Variants in DCT observed in about 807,000 individuals in gnomAD.
The protein encoded by DCT is dopachrome tautomerase.
In DCT, 47 loss-of-function variants were observed where a neutral mutation model predicts 53.0. The ratio of observed to expected loss-of-function variants is 0.89; its 90% CI spans 0.70 to 1.13. The LOEUF (loss-of-function observed/expected upper bound fraction) is 1.13. Ranked by LOEUF, DCT falls within the 50% of genes most tolerant of loss-of-function variation. The pLI is 0.00. For synonymous variants in DCT, 244 were observed against 237.0 expected, an observed-to-expected ratio of 1.03 and a Z score of -0.27; for missense variants, 669 against 637.4, an observed-to-expected ratio of 1.05 and a Z score of -0.53.
the DCT span, among the ~76,000 whole-genome samples, chr13:94,509,427 C>CCA: frequency 6.6e-6 from 1 of 151,656 alleles, no homozygotes; most frequent in African/African-American, 2.4e-5. Flanking sequence ...CACCCCCTCC[C>CCA]CACACACACA....
the DCT span, among the ~76,000 whole-genome samples, chr13:94,507,117 C>T: frequency 1.3e-5 from 2 of 152,100 alleles, no homozygotes; most frequent in Admixed American, 6.5e-5. Flanking sequence ...ACATGGCATG[C>T]CATGCTTAAT....
Position 94,439,671 on chromosome 13 carries a change from T to G in DCT, c.*227A>C. 3.1e-6 allele frequency: 1 copy of G among 321,186 alleles called. No individual in the cohort carries two copies. 19.9% of individuals were successfully genotyped at this position (321,186 alleles called of 1,614,324 possible). On this transcript the variant is annotated 3_prime_UTR_variant, in exon 8 of 8. Coordinates refer to ENST00000377028, the MANE Select transcript of DCT (RefSeq NM_001922.5). ...ATATCACAAATTGTCAGGTCTATCT[T>G]TATTTGAAGGTAGAGGTAGCCTCAA... is the stretch of plus-strand genomic sequence containing the variant.
At chr13:94,544,367 G>A in the DCT span, among the ~76,000 whole-genome samples, 2 of 152,272 alleles carry the variant, frequency 1.3e-5, no homozygotes, top group East Asian at 3.9e-4. Context: ...AAATACGTGG[G>A]GAAAGCGGGT....
the DCT span, among the ~76,000 whole-genome samples, chr13:94,529,504 C>G: frequency 2.0e-5 from 3 of 152,214 alleles, no homozygotes; most frequent in African/African-American, 7.2e-5. Context: ...AACCACACAA[C>G]TACATGGAAA....
the DCT span, among the ~76,000 whole-genome samples, chr13:94,517,729 A>G: frequency 6.6e-6 from 1 of 152,214 alleles, no homozygotes; most frequent in African/African-American, 2.4e-5. Context: ...TTTAACACGG[A>G]CAGAAGACAG....
chr13:94,453,318 T>A (rs1407997), intron 6 of DCT, among the ~76,000 whole-genome samples: 1 of 152,046 alleles, frequency 6.6e-6, no homozygotes, highest in Non-Finnish European at 1.5e-5. Context: ...ATAAAACATA[T>A]GAGAATATGA....
At chr13:94,518,400 A>C in the DCT span, among the ~76,000 whole-genome samples, 3 of 152,200 alleles carry the variant, frequency 2.0e-5, no homozygotes, top group African/African-American at 4.8e-5. Context: ...AATCCAATGT[A>C]TCCAAAACTT....
the DCT span, among the ~76,000 whole-genome samples, chr13:94,485,885 C>T: frequency 6.6e-6 from 1 of 152,108 alleles, no homozygotes; most frequent in African/African-American, 2.4e-5. Context: ...GTGAAGTGCT[C>T]AATGTCATTG....
At chr13:94,480,743 T>C (rs1393177648), upstream of DCT, among the ~76,000 whole-genome samples, 3 of 152,188 alleles carry the variant, frequency 2.0e-5, no homozygotes, top group African/African-American at 7.2e-5. Context: ...AACCAACCTT[T>C]GTTAGAAAAC....
At chr13:94,459,374 T>C (rs578052034) in intron 6 of DCT, among the ~76,000 whole-genome samples, 11 of 152,336 alleles carry the variant, frequency 7.2e-5, no homozygotes, top group African/African-American at 2.6e-4. Context: ...TTTGTATTAA[T>C]GCCATCGGTG....
chr13:94,477,804 T>C (rs1025330268), intron 1 of DCT, among the ~76,000 whole-genome samples: 3 of 152,174 alleles, frequency 2.0e-5, no homozygotes, highest in African/African-American at 7.2e-5. Flanking sequence ...AAGTAAAAAG[T>C]ATTTTTAAAA....
chr13:94,526,416 G>A, the DCT span, among the ~76,000 whole-genome samples: 15 of 152,040 alleles, frequency 9.9e-5, no homozygotes, highest in East Asian at 3.9e-4. Context: ...TGAAAGGATC[G>A]CTTGAGCCTG....
At chr13:94,490,861 G>A in the DCT span, among the ~76,000 whole-genome samples, 1 of 152,142 alleles carries the variant, frequency 6.6e-6, no homozygotes, top group Admixed American at 6.5e-5. Flanking sequence ...CTTCAATTAT[G>A]AGTTTATAAT....
chr13:94,513,157 G>A, the DCT span, among the ~76,000 whole-genome samples: 1 of 152,222 alleles, frequency 6.6e-6, no homozygotes, highest in African/African-American at 2.4e-5. Flanking sequence ...GGTGAAAGAA[G>A]GTGCCTCTCT....
chr13:94,498,949 A>C, the DCT span, among the ~76,000 whole-genome samples: 1 of 152,110 alleles, frequency 6.6e-6, no homozygotes, highest in African/African-American at 2.4e-5. Context: ...GCCAGTCAGC[A>C]CTCTGTAAAA....
the DCT span, among the ~76,000 whole-genome samples, chr13:94,548,373 C>T: frequency 1.3e-5 from 2 of 151,640 alleles, no homozygotes; most frequent in Non-Finnish European, 2.9e-5. Flanking sequence ...TATGAGTTTC[C>T]CTTCCCCCTC....
intron 4 of DCT, 52 bp downstream of exon 4, chr13:94,465,579 CAG>C: frequency 6.5e-7 from 1 of 1,542,516 alleles, no homozygotes; most frequent in South Asian, 1.2e-5. Flanking sequence ...CTCCATGTCT[CAG>C]ACATCAGAAA....
the DCT span, among the ~76,000 whole-genome samples, chr13:94,504,292 T>G: frequency 6.6e-6 from 1 of 152,236 alleles, no homozygotes; most frequent in Non-Finnish European, 1.5e-5. Context: ...CCTGTTAGCC[T>G]TGGTAGAGCT....
chr13:94,472,560 ATATATATAT>A (rs1884794484), intron 1 of DCT, among the ~76,000 whole-genome samples: 1 of 20,282 alleles, frequency 4.9e-5, no homozygotes, highest in African/African-American at 2.8e-4. Context: ...ATATATATAT[ATATATATAT>A]TTTTTTTTTT....
Sources: allele counts gnomAD v4.1 joint callset (sites outside exome capture counted in the v4.1 genomes callset), GRCh38; gene constraint gnomAD v4.1.1; transcripts MANE v1.5; gene names NCBI Gene and HGNC (gene_info 2026-07-23, HGNC 2026-07-21).